The following DSCC1 variants were observed in gnomAD, a reference collection of about 807,000 sequenced individuals.
The protein encoded by DSCC1 is sister chromatid cohesion protein DCC1.
In DSCC1, 32 loss-of-function variants were observed where a neutral mutation model predicts 48.2. The ratio of observed to expected loss-of-function variants is 0.66; its 90% CI spans 0.50 to 0.89. The LOEUF is 0.89. DSCC1 is among the 40% of genes least tolerant of loss of function. DSCC1 has a pLI of 0.00. For synonymous variants in DSCC1, 150 were observed against 171.5 expected, an observed-to-expected ratio of 0.87 and a Z score of 0.98; for missense variants, 421 against 471.7, an observed-to-expected ratio of 0.89 and a Z score of 1.00.
Position 119,838,400 on chromosome 8 carries a change from G to A in DSCC1, c.932C>T (p.Ala311Val), listed in dbSNP as rs149934159. 99 of 1,581,984 alleles carry A rather than the reference G, an allele frequency of 6.3e-5. No homozygotes were observed. The highest frequency in any genetic ancestry group is 9.7e-5 in the Admixed American group (5 of 51,502). Residue 311 changes from alanine (A) to valine (V), a missense_variant, in exon 8 of 9, where the codon GCG (alanine) becomes GTG (valine). By Grantham distance (64) the Ala-to-Val change is moderately conservative. Coordinates refer to ENST00000313655, the MANE Select transcript of DSCC1 (RefSeq NM_024094.3). Reference sequence around the variant, plus strand: ...TGGTCTCGAGTGTCTATCCACCAGCGCTAAACCCTACAAGAAATGAGAAGA... The same window carrying A: ...TGGTCTCGAGTGTCTATCCACCAGCACTAAACCCTACAAGAAATGAGAAGA... ...VTSLDQLKGL[A>V]LVDRHSRPEI...
At chr8:119,835,537 C>A (rs1025597776) in intron 8 of DSCC1, among the ~76,000 whole-genome samples, 2 of 151,530 alleles carry the variant, frequency 1.3e-5, no homozygotes, top group Non-Finnish European at 2.9e-5. Context: ...AAGCAAAAAA[C>A]AAAAACTAGA....
intron 7 of DSCC1, chr8:119,840,269 A>G (rs1826747350): frequency 6.6e-6 from 1 of 152,248 alleles, no homozygotes; most frequent in African/African-American, 2.4e-5. Flanking sequence ...CATTTTTCCA[A>G]GCTAAGGGGA....
rs762762930 is a variant in DSCC1 at position 119,841,785 on chromosome 8, T to C, written c.924+9A>G. The C allele has an allele frequency of 6.2e-7, 1 of 1,609,854 alleles. No individual in the cohort carries two copies. The highest frequency in any genetic ancestry group is 1.3e-5 in the African/African-American group (1 of 74,840). ...GTTGAAGTAAGGTGGCAATGTCTAT[T>C]GCTATTACCTTAAGCTGATCAAGAC... On this transcript the variant is annotated intron_variant, in intron 7 of 8. Coordinates refer to ENST00000313655, the MANE Select transcript of DSCC1 (RefSeq NM_024094.3).
At position 119,853,228 on chromosome 8, in the gene DSCC1, G is replaced by T; in HGVS notation, c.183-13C>A. ...ACGAATCACAAGACTGTAGCAAAATGGGGGAAAAATATATAGTTTATTGAC... is the reference window on the plus strand; with the variant it reads ...ACGAATCACAAGACTGTAGCAAAATTGGGGAAAAATATATAGTTTATTGAC... On this transcript the variant is annotated splice_polypyrimidine_tract_variant and intron_variant, in intron 1 of 8. Coordinates refer to ENST00000313655, the MANE Select transcript of DSCC1 (RefSeq NM_024094.3). The T allele has an allele frequency of 1.9e-6, 3 of 1,594,638 alleles. No individual in the cohort carries two copies. Among genetic ancestry groups the T allele is most frequent in the Admixed American group, 1.7e-5 (1 of 58,206 alleles).
intron 4 of DSCC1, among the ~76,000 whole-genome samples, chr8:119,845,215 A>G (rs35148850): frequency 0.29 from 43,277 of 151,820 alleles, 6,324 homozygotes; most frequent in East Asian, 0.54. Context: ...CCTCCTGAGT[A>G]GCTGGGACTA....
intron 2 of DSCC1, among the ~76,000 whole-genome samples, chr8:119,850,886 A>C (rs182469688): frequency 9.8e-5 from 15 of 152,300 alleles, no homozygotes; most frequent in East Asian, 7.7e-4. Context: ...AACAAACAAA[A>C]AAACAAAACA....
At chr8:119,835,452 A>C (rs1278314515) in intron 8 of DSCC1, among the ~76,000 whole-genome samples, 1 of 152,124 alleles carries the variant, frequency 6.6e-6, no homozygotes, top group Non-Finnish European at 1.5e-5. Flanking sequence ...GGTTGCAGTG[A>C]GCGGAGATCG....
At chr8:119,846,691 T>C (rs1322841636) in intron 4 of DSCC1, among the ~76,000 whole-genome samples, 5 of 152,148 alleles carry the variant, frequency 3.3e-5, no homozygotes, top group East Asian at 3.9e-4. Flanking sequence ...CCCTCCCTAG[T>C]AGGTGGAATT....
intron 4 of DSCC1, among the ~76,000 whole-genome samples, chr8:119,846,344 C>A (rs1377527895): frequency 6.6e-6 from 1 of 152,058 alleles, no homozygotes; most frequent in Non-Finnish European, 1.5e-5. Flanking sequence ...AAACTCCTGA[C>A]GTCGTGATCG....
Position 119,843,684 on chromosome 8 carries a change from A to G in DSCC1, c.641T>C (p.Val214Ala), listed in dbSNP as rs557818562. 1.7e-5 allele frequency: 27 copies of G among 1,614,144 alleles called. No homozygotes were observed. In the East Asian group the frequency reaches 2.2e-4, roughly 13 times the overall value. Residue 214 changes from valine (V) to alanine (A), a missense_variant, in exon 5 of 9, where the codon GTG becomes GCG. Val to Ala is a moderately conservative substitution (Grantham distance 64). Transcript: ENST00000313655. ...MKLLNHVTQL[V>A]DSESWSFGKV... ...ACCAAAAGACCATGATTCAGAATCC[A>G]CAAGCTGAGTTACATGATTCAGAAG... is the stretch of plus-strand genomic sequence containing the variant.
intron 8 of DSCC1, among the ~76,000 whole-genome samples, chr8:119,837,477 T>A (rs932985224): frequency 6.6e-6 from 1 of 152,144 alleles, no homozygotes; most frequent in African/African-American, 2.4e-5. Flanking sequence ...ACTGCTGGTA[T>A]GAAAAAGGAA....
chr8:119,834,763 TTAAGA>T lies in DSCC1; in HGVS notation c.*125_*129del. ...AGAAATAACAGTAGTTTCAAAATGC[TTAAGA>T]TGAGGAGAAAAATGCCTTAGAAGAC... On this transcript the variant is annotated 3_prime_UTR_variant, in exon 9 of 9. Transcript: ENST00000313655. The T allele has an allele frequency of 1.5e-6, 1 of 676,986 alleles. No homozygotes were observed. The highest frequency in any genetic ancestry group is 2.6e-6 in the Non-Finnish European group (1 of 379,824). The allele number at this position is 676,986 out of a possible 1,614,324, so 41.9% of individuals were successfully genotyped here.
rs1169902605 is a variant in DSCC1 at position 119,843,758 on chromosome 8, CAA to C, written c.578-13_578-12del. ...GAATCCTCCAATAACCTACAAATTTCAAAAGTTATATTTACCAAAGAACTTTT... is the reference window on the plus strand; with the variant it reads ...GAATCCTCCAATAACCTACAAATTTCAAGTTATATTTACCAAAGAACTTTT... On this transcript the variant is annotated splice_polypyrimidine_tract_variant and intron_variant, in intron 4 of 8. Transcript: ENST00000313655. 6.3e-7 allele frequency: 1 copy of C among 1,594,612 alleles called. No individual in the cohort carries two copies. Among genetic ancestry groups the C allele is most frequent in the South Asian group, 1.2e-5 (1 of 86,170 alleles).
intron 4 of DSCC1, 70 bp downstream of exon 4, chr8:119,846,920 A>C: frequency 7.3e-7 from 1 of 1,360,888 alleles, no homozygotes; most frequent in East Asian, 2.3e-5. Flanking sequence ...TAGGGTGAAG[A>C]TGTCCAAAAA....
In DSCC1 at chr8:119,843,516, ATT is replaced by A; in HGVS notation, c.716+91_716+92del. On this transcript the variant is annotated intron_variant, in intron 5 of 8. Coordinates refer to ENST00000313655, the MANE Select transcript of DSCC1 (RefSeq NM_024094.3). ...TTCTCAAAGATATCAAAATACAATG[ATT>A]GTAGTTTATGCCCTGGGTTTAATTC... 4 of 1,442,436 alleles carry A rather than the reference ATT, an allele frequency of 2.8e-6. No homozygotes were observed. In the South Asian group the frequency reaches 5.6e-5, roughly 20 times the overall value. 89.4% of individuals were successfully genotyped at this position (1,442,436 alleles called of 1,614,324 possible). A position where few individuals can be genotyped will look rare whatever the true frequency, so the allele number is the denominator to read the frequency against.
chr8:119,846,109 A>C (rs1424342674), intron 4 of DSCC1, among the ~76,000 whole-genome samples: 3 of 137,896 alleles, frequency 2.2e-5, no homozygotes, highest in African/African-American at 8.6e-5. Context: ...TTGATGTCTA[A>C]GGACTTTTTT....
At chr8:119,851,143 G>C (rs1428234732) in intron 2 of DSCC1, among the ~76,000 whole-genome samples, 1 of 152,212 alleles carries the variant, frequency 6.6e-6, no homozygotes, top group Non-Finnish European at 1.5e-5. Flanking sequence ...GCACTTACAG[G>C]ACTTGCCTAG....
chr8:119,843,840 G>T, intron 4 of DSCC1, 93 bp from the exon 5 acceptor site: 4 of 1,317,482 alleles, frequency 3.0e-6, no homozygotes, highest in Non-Finnish European at 4.2e-6. Flanking sequence ...TCAGTGGCGT[G>T]ATCTCAGCTC....
At chr8:119,836,565 G>A (rs1451166993) in intron 8 of DSCC1, among the ~76,000 whole-genome samples, 1 of 152,060 alleles carries the variant, frequency 6.6e-6, no homozygotes. Context: ...TTAAGTAACT[G>A]GATTAGTAGT....
Sources: gnomAD v4.1 joint callset for allele counts (sites outside exome capture counted in the v4.1 genomes callset) on GRCh38, gnomAD v4.1.1 for gene constraint, MANE v1.5 for transcripts, NCBI Gene and HGNC (gene_info 2026-07-23, HGNC 2026-07-21) for gene names.